Variants in NSD1 observed in about 807,000 individuals in gnomAD.
NSD1 encodes nuclear receptor binding SET domain protein 1.
In NSD1, 26 loss-of-function variants were observed where a neutral mutation model predicts 242.7. The observed-to-expected ratio is 0.11, with a 90% CI of 0.08 to 0.15. The LOEUF (loss-of-function observed/expected upper bound fraction) is 0.15, where lower values mean the gene tolerates loss of function less well. NSD1 is among the 10% of genes least tolerant of loss of function. The pLI is 1.00. For synonymous variants in NSD1, 1,106 were observed against 1,178.1 expected, an observed-to-expected ratio of 0.94 and a Z score of 1.25; for missense variants, 2,495 against 3,272.8, an observed-to-expected ratio of 0.76 and a Z score of 5.80.
At position 177,269,705 on chromosome 5, in the gene NSD1, G is replaced by A; in HGVS notation, c.5407G>A (p.Asp1803Asn). The A allele has an allele frequency of 6.2e-7, 1 of 1,614,040 alleles. No individual in the cohort carries two copies. The highest frequency in any genetic ancestry group is 8.5e-7 in the Non-Finnish European group (1 of 1,180,000). ...EFPVLFFGSNDYLWTHQARVF... is the reference protein window; with the variant it reads ...EFPVLFFGSNNYLWTHQARVF... ...CCCAGTCCTCTTTTTTGGATCTAAT[G>A]ACTATTTGTGGACTCACCAGGCCCG... The change falls in exon 16 of 23, where the codon GAC (aspartate) becomes AAC (asparagine). Residue 1803 changes from aspartate (D) to asparagine (N), a missense_variant. By Grantham distance (23) the Asp-to-Asn change is conservative (BLOSUM62 1). This residue lies in a region of NSD1 where 114 missense variants were observed against 247.4 expected (regional missense o/e 0.46). Transcript: ENST00000439151. This position sits in a 1 kb window ranked among gnomAD's most constrained non-coding sequence, Gnocchi z 5.1.
In NSD1 at chr5:177,251,774, C is replaced by T. The variant is rs760474692; in HGVS notation, c.4686C>T (p.Cys1562=). ...LGELLLCEAQ[C]CGAFHLECLG... The stretch of plus-strand genomic sequence containing the variant: ...AGCTGCTGTTATGTGAGGCTCAGTG[C>T]TGTGGGGCTTTCCACCTGGAGTGCC... Residue 1562 remains cysteine (C), a synonymous_variant, in exon 12 of 23, where the codon TGC becomes TGT. Transcript: ENST00000439151. 4.3e-6 allele frequency: 7 copies of T among 1,614,010 alleles called. No homozygotes were observed. Among genetic ancestry groups the T allele is most frequent in the Non-Finnish European group, 5.1e-6 (6 of 1,179,952 alleles).
intron 2 of NSD1, among the ~76,000 whole-genome samples, chr5:177,136,689 G>A (rs1756364946): frequency 6.6e-6 from 1 of 151,702 alleles, no homozygotes; most frequent in African/African-American, 2.4e-5. Flanking sequence ...TGCCTCTTGG[G>A]TTCAAGCAAT....
intron 2 of NSD1, 144 bp from the exon 3 acceptor site, chr5:177,191,740 A>C: frequency 1.3e-6 from 1 of 782,714 alleles, no homozygotes; most frequent in South Asian, 1.5e-5. Flanking sequence ...ATTTAGTTGT[A>C]CTTATTTTGT....
intron 4 of NSD1, 52 bp from the exon 5 acceptor site, chr5:177,209,584 C>A: frequency 7.3e-7 from 1 of 1,369,282 alleles, no homozygotes; most frequent in Non-Finnish European, 1.0e-6. Context: ...CTCCCTTTTC[C>A]CCCACCCATT....
At chr5:177,249,067 A>T (rs535963053) in intron 11 of NSD1, among the ~76,000 whole-genome samples, 8 of 152,296 alleles carry the variant, frequency 5.3e-5, no homozygotes, top group African/African-American at 1.9e-4. Context: ...AGGGGATTCC[A>T]CTTTATTGTT....
intron 9 of NSD1, among the ~76,000 whole-genome samples, chr5:177,244,963 G>A (rs1041964928): frequency 9.2e-5 from 14 of 152,160 alleles, no homozygotes; most frequent in Admixed American, 9.2e-4. Context: ...TGCAATTTCA[G>A]TGCTTTGGAG....
At chr5:177,232,937 G>C (rs78913507) in intron 5 of NSD1, among the ~76,000 whole-genome samples, 7,402 of 152,276 alleles carry the variant, frequency 0.049, 199 homozygotes, top group South Asian at 0.082. Context: ...GATGAGACAG[G>C]CCCTACAGGA....
chr5:177,158,240 T>TCTTC (rs1758303063), intron 2 of NSD1, among the ~76,000 whole-genome samples: 3 of 37,988 alleles, frequency 7.9e-5, no homozygotes, highest in South Asian at 6.9e-4. Context: ...GGTTCTAATT[T>TCTTC]CTTTCTTTCT....
At chr5:177,240,675 T>C (rs948008410) in intron 8 of NSD1, among the ~76,000 whole-genome samples, 2 of 152,160 alleles carry the variant, frequency 1.3e-5, no homozygotes, top group South Asian at 4.1e-4. Flanking sequence ...ATGGCGCCAC[T>C]GCACTCCAGC....
chr5:177,275,612 T>C (rs1758316720), intron 17 of NSD1, among the ~76,000 whole-genome samples: 1 of 151,818 alleles, frequency 6.6e-6, no homozygotes, highest in African/African-American at 2.4e-5. Flanking sequence ...TTTTTGTATT[T>C]TTAGTAGAGA....
chr5:177,137,005 G>C, intron 2 of NSD1: 1 of 600,320 alleles, frequency 1.7e-6, no homozygotes, highest in Admixed American at 2.6e-5. Context: ...TATATATTCC[G>C]TGTGTATAGA....
chr5:177,272,874 C>A (rs1758055123), intron 16 of NSD1, among the ~76,000 whole-genome samples: 1 of 151,896 alleles, frequency 6.6e-6, no homozygotes, highest in Non-Finnish European at 1.5e-5. Context: ...TAGAGTGAGA[C>A]CCTGTCTCAA....
Position 177,297,605 on chromosome 5 carries a change from A to G in NSD1, c.*2146A>G, listed in dbSNP as rs934656349. 1 of 165,836 alleles carries G rather than the reference A, an allele frequency of 6.0e-6. No homozygotes were observed. The highest frequency in any genetic ancestry group is 1.1e-5 in the Non-Finnish European group (1 of 90,692). 10.3% of individuals were successfully genotyped at this position (165,836 alleles called of 1,614,324 possible). ...TGCACTGTCAGAGTCTCCTTTCACT[A>G]TGTTGTGTGTTAAATTACCGTAGCT... is the stretch of plus-strand genomic sequence containing the variant. On this transcript the variant is annotated 3_prime_UTR_variant, in exon 23 of 23. Coordinates refer to ENST00000439151, the MANE Select transcript of NSD1 (RefSeq NM_022455.5).
At chr5:177,137,408 C>T (rs576788397) in intron 2 of NSD1, 1 of 152,228 alleles carries the variant, frequency 6.6e-6, no homozygotes, top group Non-Finnish European at 1.5e-5. Context: ...TACCTTATAT[C>T]CCTGCTGTTC....
rs12659551 is a variant in NSD1, at chr5:177,297,644, A to G, written c.*2185A>G. On this transcript the variant is annotated 3_prime_UTR_variant, in exon 23 of 23. Transcript: ENST00000439151. ...ATTACCGTAGCTCTTTGTTTCATGAAATAAACTGTGAATTTGGGGGGGGCG... is the reference window on the plus strand; with the variant it reads ...ATTACCGTAGCTCTTTGTTTCATGAGATAAACTGTGAATTTGGGGGGGGCG... The G allele has an allele frequency of 0.02, 2,448 of 120,278 alleles. 183 individuals are homozygous for G. In the East Asian group the frequency reaches 0.33, roughly 16 times the overall value. The allele number at this position is 120,278 out of a possible 1,614,324, so 7.5% of individuals were successfully genotyped here. A position where few individuals can be genotyped will look rare whatever the true frequency, so the allele number is the denominator to read the frequency against.
intron 14 of NSD1, among the ~76,000 whole-genome samples, chr5:177,262,958 G>A (rs1376344936): frequency 6.6e-6 from 1 of 152,156 alleles, no homozygotes; most frequent in African/African-American, 2.4e-5. Context: ...AGATTAAATT[G>A]TGTATTCAGT....
intron 3 of NSD1, among the ~76,000 whole-genome samples, chr5:177,199,153 T>C (rs1319394168): frequency 1.3e-5 from 2 of 152,272 alleles, no homozygotes; most frequent in African/African-American, 4.8e-5. Flanking sequence ...ATTCAGCAGT[T>C]AATTTTAAAA....
At chr5:177,220,440 G>A (rs1242373382) in intron 5 of NSD1, among the ~76,000 whole-genome samples, 1 of 151,840 alleles carries the variant, frequency 6.6e-6, no homozygotes, top group Non-Finnish European at 1.5e-5. Flanking sequence ...GAGATTTAAG[G>A]CTCACTTAAA....
chr5:177,229,653 A>T (rs1466363408), intron 5 of NSD1: 3 of 278,800 alleles, frequency 1.1e-5, no homozygotes, highest in Non-Finnish European at 1.4e-5. Flanking sequence ...AAAGTGCTGT[A>T]ACTGGGAGAG....
Sources: allele counts gnomAD v4.1 joint callset (sites outside exome capture counted in the v4.1 genomes callset), GRCh38; gene constraint gnomAD v4.1.1; regional missense constraint gnomAD v4.1.1; non-coding constraint Gnocchi (gnomAD v3.1); transcripts MANE v1.5; gene names NCBI Gene and HGNC (gene_info 2026-07-23, HGNC 2026-07-21).